Variants in PTPRD observed in about 807,000 individuals in gnomAD.
PTPRD encodes the protein receptor-type tyrosine-protein phosphatase delta.
Under a neutral mutation model 214.5 loss-of-function variants are expected in PTPRD, and 34 were observed. The observed-to-expected ratio is 0.16, with a 90% confidence interval of 0.12 to 0.21. The LOEUF (loss-of-function observed/expected upper bound fraction) is 0.21, where lower values mean the gene tolerates loss of function less well. Among genes scored for constraint, PTPRD ranks in the 10% least tolerant of loss-of-function variants. The probability of loss-of-function intolerance (pLI) is 1.00; values close to 1 mark genes in which losing one functional copy is unlikely to be tolerated. For missense variants in PTPRD, 2,545 were observed against 2,398.7 expected (o/e 1.06, Z -1.27); for synonymous variants, 1,128 against 845.7 (o/e 1.33, Z -5.79).
chr9:10,436,889 T>C (rs2098721757), intron 2 of PTPRD, among the ~76,000 whole-genome samples: 1 of 151,774 alleles, frequency 6.6e-6, no homozygotes, highest in Non-Finnish European at 1.5e-5. Flanking sequence ...TAAGAGCTAA[T>C]ATACTCACGG....
intron 4 of PTPRD, among the ~76,000 whole-genome samples, chr9:9,950,137 C>G (rs531681046): frequency 6.6e-6 from 1 of 152,284 alleles, no homozygotes; most frequent in South Asian, 2.1e-4. Flanking sequence ...GTCACTGTGA[C>G]AACGACCTTT....
At chr9:9,354,623 A>G (rs2052958077) in intron 9 of PTPRD, among the ~76,000 whole-genome samples, 1 of 151,854 alleles carries the variant, frequency 6.6e-6, no homozygotes. Context: ...AGAGCGATAG[A>G]TAATACACAA....
intron 3 of PTPRD, among the ~76,000 whole-genome samples, chr9:10,152,031 T>C (rs1049954055): frequency 6.6e-6 from 1 of 152,226 alleles, no homozygotes; most frequent in African/African-American, 2.4e-5. Context: ...GGAATATGTT[T>C]GTATTTTACA....
At chr9:10,394,932 T>C (rs1049210421) in intron 2 of PTPRD, among the ~76,000 whole-genome samples, 1 of 151,024 alleles carries the variant, frequency 6.6e-6, no homozygotes, top group Non-Finnish European at 1.5e-5. Flanking sequence ...AATCAACTTA[T>C]GTGTTGCCAC....
chr9:10,304,295 C>A (rs1028806008), intron 3 of PTPRD, among the ~76,000 whole-genome samples: 1 of 152,146 alleles, frequency 6.6e-6, no homozygotes, highest in Admixed American at 6.5e-5. Flanking sequence ...GACAAACCCA[C>A]AGTCAATATC....
intron 9 of PTPRD, among the ~76,000 whole-genome samples, chr9:9,277,983 G>A (rs1946290601): frequency 6.6e-6 from 1 of 151,320 alleles, no homozygotes; most frequent in African/African-American, 2.4e-5. Flanking sequence ...GAAGAAATAT[G>A]TTACCTCATA....
At chr9:8,682,191 A>G (rs1314904936) in intron 12 of PTPRD, among the ~76,000 whole-genome samples, 3 of 152,242 alleles carry the variant, frequency 2.0e-5, no homozygotes, top group Non-Finnish European at 4.4e-5. Context: ...TGCATTATGC[A>G]TTAGGTAAAC....
chr9:10,031,647 T>TATATATATATACACACACACACACAC lies in PTPRD; in HGVS notation c.-472+2070_-472+2071insGTGTGTGTGTGTGTGTATATATATAT. On this transcript the variant is annotated intron_variant, in intron 4 of 45. Transcript: ENST00000381196. ...CTCCATATATATATATATATATATA[T>TATATATATATACACACACACACACAC]ACACACACACACACACACATACACA... 1.8e-3 allele frequency among the ~76,000 whole-genome samples: 162 copies of TATATATATATACACACACACACACAC among 89,582 alleles called. 1 individual carries two copies. The highest frequency in any genetic ancestry group is 4.6e-3 in the African/African-American group (57 of 12,346). The allele number at this position is 89,582 out of a possible 152,430, so 58.8% of individuals were successfully genotyped here. A position where few individuals can be genotyped will look rare whatever the true frequency, so the allele number is the denominator to read the frequency against.
intron 4 of PTPRD, among the ~76,000 whole-genome samples, chr9:10,012,614 T>C (rs891550258): frequency 3.3e-5 from 5 of 152,084 alleles, no homozygotes; most frequent in South Asian, 4.1e-4. Context: ...TGTCAGATTT[T>C]ACTCACTATT....
intron 2 of PTPRD, among the ~76,000 whole-genome samples, chr9:10,552,251 C>CTTT (rs57400329): frequency 2.0e-5 from 3 of 151,880 alleles, no homozygotes; most frequent in African/African-American, 7.3e-5. Context: ...GAAAACCAAG[C>CTTT]TTTTTTATCT....
At chr9:9,713,861 C>T (rs1436232259) in intron 7 of PTPRD, among the ~76,000 whole-genome samples, 1 of 151,966 alleles carries the variant, frequency 6.6e-6, no homozygotes, top group African/African-American at 2.4e-5. Flanking sequence ...TTATAGGCTT[C>T]CTCATTAATC....
chr9:10,071,552 T>G (rs1363381072), intron 3 of PTPRD, among the ~76,000 whole-genome samples: 1 of 152,046 alleles, frequency 6.6e-6, no homozygotes, highest in East Asian at 1.9e-4. Context: ...TGCTGAAATG[T>G]GTATGTCTAT....
chr9:8,799,736 T>C (rs2096533423), intron 11 of PTPRD, among the ~76,000 whole-genome samples: 1 of 152,154 alleles, frequency 6.6e-6, no homozygotes, highest in African/African-American at 2.4e-5. Context: ...CTTTTATGTT[T>C]AGATACATTC....
In PTPRD at chr9:10,582,583, T is replaced by A. The variant is rs571158299; in HGVS notation, c.-600+29815A>T. Among the ~76,000 whole-genome samples, 6 of 152,310 alleles carry A rather than the reference T, an allele frequency of 3.9e-5. No homozygotes were observed. In the South Asian group the frequency reaches 1.2e-3, roughly 32 times the overall value. ...CTAAAAGTTTCCTCTACTACATATC[T>A]GGGATGACTAGCCATCTAACCTTGA... On this transcript the variant is annotated intron_variant, in intron 2 of 45. Coordinates refer to ENST00000381196, the MANE Select transcript of PTPRD (RefSeq NM_002839.4).
chr9:9,666,170 C>T (rs777186408), intron 7 of PTPRD, among the ~76,000 whole-genome samples: 1 of 151,778 alleles, frequency 6.6e-6, no homozygotes. Flanking sequence ...GCAACTGAAA[C>T]TTTATTTATA....
chr9:8,440,493 T>A lies in PTPRD; in HGVS notation c.3989-3804A>T, dbSNP rs557597956. ...CCACACCCGGCTAATTTTTATATTT[T>A]TAGTAGAGATGGGGTTTCACCATGT... is the stretch of plus-strand genomic sequence containing the variant. On this transcript the variant is annotated intron_variant, in intron 34 of 45. Coordinates refer to ENST00000381196, the MANE Select transcript of PTPRD (RefSeq NM_002839.4). Among the ~76,000 whole-genome samples, 4 of 152,188 alleles carry A rather than the reference T, an allele frequency of 2.6e-5. No individual in the cohort carries two copies. The East Asian group carries it at 7.8e-4, about 30-fold the overall frequency.
chr9:8,580,785 C>G (rs1417501197), intron 14 of PTPRD, among the ~76,000 whole-genome samples: 1 of 152,136 alleles, frequency 6.6e-6, no homozygotes, highest in Non-Finnish European at 1.5e-5. Flanking sequence ...CACATACACA[C>G]ACACACGCTT....
chr9:8,412,949 A>C (rs1440969154), intron 35 of PTPRD, among the ~76,000 whole-genome samples: 1 of 152,206 alleles, frequency 6.6e-6, no homozygotes, highest in Non-Finnish European at 1.5e-5. Context: ...TTCAAAAGAA[A>C]AAACAAATTA....
At chr9:9,938,365 A>G (rs1428579339) in intron 5 of PTPRD, 142 bp downstream of exon 5, 3 of 152,204 alleles carry the variant, frequency 2.0e-5, no homozygotes, top group South Asian at 2.1e-4. Context: ...AAATTATACT[A>G]TTTTAAAGAA....
Sources: gnomAD v4.1 joint callset for allele counts (sites outside exome capture counted in the v4.1 genomes callset) on GRCh38, gnomAD v4.1.1 for gene constraint, MANE v1.5 for transcripts, NCBI Gene and HGNC (gene_info 2026-07-23, HGNC 2026-07-21) for gene names.